The following RRAS2 variants were observed in gnomAD, a reference collection of about 807,000 sequenced individuals.
RRAS2 encodes the protein RAS related 2, also known as ras-related protein R-Ras2.
RRAS2 carries 7 observed loss-of-function variants against 27.6 expected under a neutral mutation model. That is an observed-to-expected ratio of 0.25 (90% CI 0.14 to 0.48). RRAS2 has a LOEUF of 0.48. Among genes scored for constraint, RRAS2 ranks in the 20% least tolerant of loss-of-function variants. The probability of loss-of-function intolerance (pLI) is 0.99; values close to 1 mark genes in which losing one functional copy is unlikely to be tolerated. For missense variants in RRAS2, 178 were observed against 256.2 expected (o/e 0.69, Z 2.08); for synonymous variants, 86 against 90.9 (o/e 0.95, Z 0.31).
At chr11:14,332,174 A>G (rs1283813338) in intron 1 of RRAS2, among the ~76,000 whole-genome samples, 1 of 152,220 alleles carries the variant, frequency 6.6e-6, no homozygotes, top group African/African-American at 2.4e-5. Flanking sequence ...CTTGGTATTT[A>G]TCCAAGCAAT....
chr11:14,296,186 A>T (rs1269690062), intron 1 of RRAS2, among the ~76,000 whole-genome samples: 1 of 151,956 alleles, frequency 6.6e-6, no homozygotes, highest in Admixed American at 6.6e-5. Flanking sequence ...TCTCAAAAAT[A>T]AAAATAAATA....
chr11:14,322,740 T>C (rs1848254998), intron 1 of RRAS2, among the ~76,000 whole-genome samples: 1 of 152,166 alleles, frequency 6.6e-6, no homozygotes. Flanking sequence ...ATAACAACCA[T>C]TGTTAAAATT....
intron 1 of RRAS2, among the ~76,000 whole-genome samples, chr11:14,318,885 C>T (rs1380963589): frequency 3.9e-5 from 6 of 152,216 alleles, no homozygotes; most frequent in African/African-American, 9.6e-5. Flanking sequence ...TTGACTCACA[C>T]TTACTGACTT....
intron 1 of RRAS2, among the ~76,000 whole-genome samples, chr11:14,338,204 CA>C (rs1848626188): frequency 6.6e-6 from 1 of 152,116 alleles, no homozygotes; most frequent in Non-Finnish European, 1.5e-5. Context: ...AGAGTACCCA[CA>C]TAAAAAGCTA....
At chr11:14,362,695 A>G (rs1229646738), upstream of RRAS2, among the ~76,000 whole-genome samples, 1 of 152,246 alleles carries the variant, frequency 6.6e-6, no homozygotes, top group Non-Finnish European at 1.5e-5. Flanking sequence ...TTATAGAAAG[A>G]AATCCTGTGA....
rs1292733703 is a variant in RRAS2 at position 14,364,445 on chromosome 11, A to G, written c.-178T>C. On this transcript the variant is annotated 5_prime_UTR_variant, in exon 1 of 6. Transcript: ENST00000529237. Reference sequence around the variant, plus strand: ...ATTTCCTTAATGGGCCATTGCTTTTAATGTGAATGAATGGCTGGCAGAGAA... The same window carrying G: ...ATTTCCTTAATGGGCCATTGCTTTTGATGTGAATGAATGGCTGGCAGAGAA... The G allele has an allele frequency of 2.1e-5, 32 of 1,509,268 alleles. No homozygotes were observed. The South Asian group carries it at 3.7e-4, about 18-fold the overall frequency. The allele number at this position is 1,509,268 out of a possible 1,614,324, so 93.5% of individuals were successfully genotyped here. A position where few individuals can be genotyped will look rare whatever the true frequency, so the allele number is the denominator to read the frequency against.
intron 1 of RRAS2, among the ~76,000 whole-genome samples, chr11:14,349,216 G>A (rs927106059): frequency 2.1e-4 from 31 of 147,784 alleles, no homozygotes; most frequent in African/African-American, 7.0e-4. Context: ...GCAGTGGCGC[G>A]ACTTGGCTCA....
At chr11:14,330,781 TAAG>T (rs1564974808) in intron 1 of RRAS2, among the ~76,000 whole-genome samples, 1 of 152,202 alleles carries the variant, frequency 6.6e-6, no homozygotes, top group Non-Finnish European at 1.5e-5. Flanking sequence ...ACCAAATTTT[TAAG>T]AAGAAAAATG....
Position 14,331,199 on chromosome 11 carries a change from C to T in RRAS2, c.108+27564G>A, listed in dbSNP as rs189313669. The stretch of plus-strand genomic sequence containing the variant: ...ATTCTTGGTCACAAGTTTCTGTGAA[C>T]CTAGAAACTGGAAACAAGAAACACA... On this transcript the variant is annotated intron_variant, in intron 1 of 5. Coordinates refer to ENST00000256196, the MANE Select transcript of RRAS2 (RefSeq NM_012250.6). 2.6e-5 allele frequency among the ~76,000 whole-genome samples: 4 copies of T among 152,138 alleles called. No individual in the cohort carries two copies. In the East Asian group the frequency reaches 7.7e-4, roughly 29 times the overall value.
In RRAS2 at chr11:14,294,535, T is replaced by C. The variant is rs1554946289; in HGVS notation, c.344A>G (p.Lys115Arg). 6.3e-7 allele frequency: 1 copy of C among 1,599,704 alleles called. No individual in the cohort carries two copies. The highest frequency in any genetic ancestry group is 1.7e-5 in the Admixed American group (1 of 57,472). Residue 115 changes from lysine to arginine, a missense_variant, in exon 4 of 6, where the codon AAG becomes AGG. Coordinates refer to ENST00000256196, the MANE Select transcript of RRAS2 (RefSeq NM_012250.6). ...AATCATTGGGAACTCATCACGATCC[T>C]TTACTCTGAGAATCTGTCTTTGAAA... The part of the protein sequence containing the change: ...YKFQRQILRV[K>R]DRDEFPMILI...
chr11:14,281,738 ATG>A lies in RRAS2; in HGVS notation c.409-20_409-19del. 2 of 1,556,674 alleles carry A rather than the reference ATG, an allele frequency of 1.3e-6. No homozygotes were observed. Among genetic ancestry groups the A allele is most frequent in the Non-Finnish European group, 1.8e-6 (2 of 1,139,128 alleles). On this transcript the variant is annotated intron_variant, in intron 4 of 5. Coordinates refer to ENST00000256196, the MANE Select transcript of RRAS2 (RefSeq NM_012250.6). ...TGTGTTACCTGAAATTCCAACAGTT[ATG>A]TTTATGGTACATTATTAACAACTGG...
intron 1 of RRAS2, among the ~76,000 whole-genome samples, chr11:14,309,162 C>T (rs1003077357): frequency 1.3e-5 from 2 of 152,140 alleles, no homozygotes; most frequent in South Asian, 2.1e-4. Context: ...ACTTCCTCTC[C>T]CCTCTATCCC....
intron 1 of RRAS2, among the ~76,000 whole-genome samples, chr11:14,305,045 TC>T (rs1554947910): frequency 6.6e-6 from 1 of 152,218 alleles, no homozygotes. Flanking sequence ...CTACACTAAA[TC>T]CAGTAATCCT....
At chr11:14,355,278 A>C (rs777137722) in intron 1 of RRAS2, among the ~76,000 whole-genome samples, 4 of 152,164 alleles carry the variant, frequency 2.6e-5, no homozygotes, top group Non-Finnish European at 5.9e-5. Context: ...GAAACTACTC[A>C]AAGTCACCTG....
At chr11:14,293,073 A>G (rs1467341777) in intron 4 of RRAS2, among the ~76,000 whole-genome samples, 1 of 145,420 alleles carries the variant, frequency 6.9e-6, no homozygotes, top group African/African-American at 2.5e-5. Context: ...ACGCCACTGC[A>G]CTCCAGCCTG....
At chr11:14,284,768 G>A (rs1217328393) in intron 4 of RRAS2, among the ~76,000 whole-genome samples, 1 of 151,900 alleles carries the variant, frequency 6.6e-6, no homozygotes, top group Non-Finnish European at 1.5e-5. Context: ...TAATAGTCTT[G>A]GCTCTGAAAT....
rs1554946344 is a variant in RRAS2 at position 14,294,827 on chromosome 11, T to A, written c.232A>T (p.Met78Leu). 2 of 1,613,836 alleles carry A rather than the reference T, an allele frequency of 1.2e-6. No individual in the cohort carries two copies. The highest frequency in any genetic ancestry group is 1.7e-6 in the Non-Finnish European group (2 of 1,179,900). ...DTAGQEEFGA[M>L]REQYMRTGEG... Reference sequence around the variant, plus strand: ...CCAGTCCTCATATACTGTTCTCTCATGGCTCCAAACTCTTCTTGTCCTGCT... The same window carrying A: ...CCAGTCCTCATATACTGTTCTCTCAAGGCTCCAAACTCTTCTTGTCCTGCT... Residue 78 changes from methionine to leucine, a missense_variant, in exon 3 of 6, where the codon ATG (methionine) becomes TTG (leucine). Transcript: ENST00000256196.
Position 14,295,825 on chromosome 11 carries a change from T to C in RRAS2, c.139A>G (p.Ile47Val). ...CACTGCTTTGTGTAAGAATCTTCAA[T>C]GGTTGGATCATAATCCGTTACAAAA... ...SYFVTDYDPT[I>V]EDSYTKQCVI... Residue 47 changes from isoleucine to valine, a missense_variant, in exon 2 of 6, where the codon ATT (isoleucine) becomes GTT (valine). Coordinates refer to ENST00000256196, the MANE Select transcript of RRAS2 (RefSeq NM_012250.6). 6.2e-7 allele frequency: 1 copy of C among 1,613,518 alleles called. No homozygotes were observed. The highest frequency in any genetic ancestry group is 8.5e-7 in the Non-Finnish European group (1 of 1,179,732).
At chr11:14,305,400 G>T (rs547816362) in intron 1 of RRAS2, among the ~76,000 whole-genome samples, 3 of 152,130 alleles carry the variant, frequency 2.0e-5, no homozygotes, top group African/African-American at 7.2e-5. Flanking sequence ...TCCAAAGCAC[G>T]GTAATTTTTC....
Sources: gnomAD v4.1 joint callset for allele counts (sites outside exome capture counted in the v4.1 genomes callset) on GRCh38, gnomAD v4.1.1 for gene constraint, MANE v1.5 for transcripts, NCBI Gene and HGNC (gene_info 2026-07-23, HGNC 2026-07-21) for gene names.